ERAP1: variants seen among roughly 807,000 people sequenced by gnomAD.
The protein encoded by ERAP1 is adipocyte-derived leucine aminopeptidase.
Under a neutral mutation model 103.7 loss-of-function variants are expected in ERAP1, and 86 were observed. The ratio of observed to expected loss-of-function variants is 0.83; its 90% CI spans 0.70 to 0.99. The LOEUF (loss-of-function observed/expected upper bound fraction) is 0.99. ERAP1 is among the 50% of genes least tolerant of loss of function. The pLI is 0.00. For synonymous variants in ERAP1, 398 were observed against 402.4 expected (o/e 0.99, Z 0.13); for missense variants, 1,009 against 1,128.4 (o/e 0.89, Z 1.52).
chr5:96,926,251 T>A, the ERAP1 span, among the ~76,000 whole-genome samples: 1 of 152,182 alleles, frequency 6.6e-6, no homozygotes, highest in Non-Finnish European at 1.5e-5. Context: ...TTATGGTTTC[T>A]AAAAAGTATA....
chr5:96,859,142 CT>C, the ERAP1 span, among the ~76,000 whole-genome samples: 1 of 151,592 alleles, frequency 6.6e-6, no homozygotes, highest in African/African-American at 2.4e-5. Flanking sequence ...TTCCATGCCC[CT>C]AAGTAATTAG....
chr5:96,884,012 G>A, the ERAP1 span: 1 of 1,315,082 alleles, frequency 7.6e-7, no homozygotes, highest in Non-Finnish European at 1.0e-6. Flanking sequence ...TTGCTTTCAG[G>A]ATTTCAGCCA....
the ERAP1 span, among the ~76,000 whole-genome samples, chr5:96,869,928 A>C: frequency 6.6e-6 from 1 of 152,348 alleles, no homozygotes; most frequent in South Asian, 2.1e-4. Context: ...CTCCCACTGA[A>C]GACAATTGTA....
chr5:96,904,842 A>G, the ERAP1 span, among the ~76,000 whole-genome samples: 1 of 152,346 alleles, frequency 6.6e-6, no homozygotes, highest in Non-Finnish European at 1.5e-5. Flanking sequence ...TTATTGATGC[A>G]TTGGTGGAAA....
In ERAP1 at chr5:96,775,189, T is replaced by C. The variant is rs899415547; in HGVS notation, c.*1207A>G. The C allele has an allele frequency of 9.1e-6, 9 of 985,428 alleles. No individual in the cohort carries two copies. The highest frequency in any genetic ancestry group is 9.6e-6 in the Non-Finnish European group (8 of 829,924). 61.0% of individuals were successfully genotyped at this position (985,428 alleles called of 1,614,324 possible). A position where few individuals can be genotyped will look rare whatever the true frequency, so the allele number is the denominator to read the frequency against. ...GGTTTACCATGTTAGTAAACTGTGC[T>C]TTCTATTATTATCATCTATACATAA... On this transcript the variant is annotated 3_prime_UTR_variant, in exon 19 of 19. Coordinates refer to ENST00000443439, the MANE Select transcript of ERAP1 (RefSeq NM_001040458.3).
At chr5:96,870,425 A>G in the ERAP1 span, among the ~76,000 whole-genome samples, 1 of 152,246 alleles carries the variant, frequency 6.6e-6, no homozygotes, top group African/African-American at 2.4e-5. Flanking sequence ...TTCTTCACCA[A>G]TTTCAGCCTT....
intron 10 of ERAP1, 33 bp from the exon 11 acceptor site, chr5:96,788,718 C>T: frequency 6.2e-7 from 1 of 1,609,998 alleles, no homozygotes. Context: ...GACACATCAC[C>T]CATTTAACCC....
chr5:96,926,919 C>T, the ERAP1 span, among the ~76,000 whole-genome samples: 1 of 152,148 alleles, frequency 6.6e-6, no homozygotes, highest in African/African-American at 2.4e-5. Flanking sequence ...CAGGCTCAAG[C>T]GAACCTCCCG....
At chr5:96,929,468 CTTTT>C in the ERAP1 span, among the ~76,000 whole-genome samples, 2 of 150,372 alleles carry the variant, frequency 1.3e-5, no homozygotes, top group African/African-American at 4.9e-5. Context: ...TCCTTCCTTC[CTTTT>C]TTTTCTTCCT....
At chr5:96,790,464 G>A in intron 9 of ERAP1, 48 bp downstream of exon 9, 1 of 1,611,808 alleles carries the variant, frequency 6.2e-7, no homozygotes, top group East Asian at 2.2e-5. Flanking sequence ...AAAACAAGAT[G>A]ATAAGCCTGT....
the ERAP1 span, among the ~76,000 whole-genome samples, chr5:96,819,585 G>A: frequency 6.6e-6 from 1 of 152,114 alleles, no homozygotes; most frequent in Admixed American, 6.5e-5. Flanking sequence ...TCCTTTACTT[G>A]CCTTGAAGCT....
intron 14 of ERAP1, among the ~76,000 whole-genome samples, 190 bp downstream of exon 14, chr5:96,783,734 G>A (rs1475343331): frequency 2.5e-5 from 1 of 40,762 alleles, no homozygotes; most frequent in African/African-American, 1.1e-4. Flanking sequence ...CCTATTTTTA[G>A]TGCCAAATAA....
the ERAP1 span, among the ~76,000 whole-genome samples, chr5:96,863,969 T>C: frequency 6.6e-6 from 1 of 152,208 alleles, no homozygotes; most frequent in Non-Finnish European, 1.5e-5. Flanking sequence ...AAAGGCTTCC[T>C]TGACTCCAGC....
At chr5:96,883,137 A>G in the ERAP1 span, among the ~76,000 whole-genome samples, 3 of 152,186 alleles carry the variant, frequency 2.0e-5, no homozygotes, top group Non-Finnish European at 4.4e-5. Context: ...GTACAAGAAT[A>G]TGAAAGTCCA....
the ERAP1 span, chr5:96,901,704 T>C: frequency 3.1e-6 from 5 of 1,608,978 alleles, no homozygotes; most frequent in Admixed American, 6.8e-5. Flanking sequence ...CTTCTTTAGG[T>C]CTAGCTTACC....
At chr5:96,841,878 T>C in the ERAP1 span, among the ~76,000 whole-genome samples, 2 of 151,902 alleles carry the variant, frequency 1.3e-5, no homozygotes, top group African/African-American at 4.8e-5. Flanking sequence ...GAGATTTTGG[T>C]GCACCCGTCA....
chr5:96,905,819 G>A, the ERAP1 span, among the ~76,000 whole-genome samples: 8 of 152,144 alleles, frequency 5.3e-5, 1 homozygote, highest in South Asian at 1.5e-3. Context: ...AGAAGATCAC[G>A]CCACTGAACT....
the ERAP1 span, among the ~76,000 whole-genome samples, chr5:96,857,686 T>C: frequency 1.0e-3 from 157 of 152,360 alleles, no homozygotes; most frequent in Non-Finnish European, 7.5e-4. Flanking sequence ...GCCTATATGC[T>C]GAATTGCTAC....
At chr5:96,914,565 C>G in the ERAP1 span, among the ~76,000 whole-genome samples, 15 of 152,186 alleles carry the variant, frequency 9.9e-5, no homozygotes, top group African/African-American at 3.6e-4. Flanking sequence ...ATCTACAATG[C>G]TGTGGATTTC....
Sources: gnomAD v4.1 joint callset for allele counts (sites outside exome capture counted in the v4.1 genomes callset) on GRCh38, gnomAD v4.1.1 for gene constraint, MANE v1.5 for transcripts, NCBI Gene and HGNC (gene_info 2026-07-23, HGNC 2026-07-21) for gene names.